The following LCLAT1 variants were observed in gnomAD, a reference collection of about 807,000 sequenced individuals.
LCLAT1 encodes 1-AGP acyltransferase 8.
LCLAT1 carries 11 observed loss-of-function variants against 30.7 expected under a neutral mutation model. That is an observed-to-expected ratio of 0.36 (90% CI 0.23 to 0.59). The LOEUF (loss-of-function observed/expected upper bound fraction) is 0.59, where lower values mean the gene tolerates loss of function less well. Among genes scored for constraint, LCLAT1 ranks in the 20% least tolerant of loss-of-function variants. The pLI is 0.77. For synonymous variants in LCLAT1, 155 were observed against 151.3 expected (o/e 1.02, Z -0.18); for missense variants, 402 against 458.6 (o/e 0.88, Z 1.13).
At chr2:30,568,935 T>A (rs1413042475) in intron 5 of LCLAT1, among the ~76,000 whole-genome samples, 1 of 151,370 alleles carries the variant, frequency 6.6e-6, no homozygotes, top group East Asian at 1.9e-4. Context: ...GCTCTTAGGG[T>A]TTGAGAATAT....
intron 1 of LCLAT1, among the ~76,000 whole-genome samples, chr2:30,485,931 G>A (rs541574750): frequency 5.9e-5 from 9 of 152,268 alleles, no homozygotes; most frequent in South Asian, 2.1e-4. Context: ...ATTGGGCTCA[G>A]AAGAGTCAGA....
At position 30,641,459 on chromosome 2, in the gene LCLAT1, C is replaced by A. The variant is rs1219374956; in HGVS notation, c.*840C>A. On this transcript the variant is annotated 3_prime_UTR_variant, in exon 6 of 6. Transcript: ENST00000379509. ...TCACATACTTTTTTAAAGGAACACT[C>A]AGAACATTCTGTCATTCCAGTCAGA... is the stretch of plus-strand genomic sequence containing the variant. 1 of 152,170 alleles carries A rather than the reference C, an allele frequency of 6.6e-6. No individual in the cohort carries two copies. Among genetic ancestry groups the A allele is most frequent in the African/African-American group, 2.4e-5 (1 of 41,448 alleles). The allele number at this position is 152,170 out of a possible 1,614,324, so 9.4% of individuals were successfully genotyped here. A position where few individuals can be genotyped will look rare whatever the true frequency, so the allele number is the denominator to read the frequency against.
At chr2:30,570,511 A>G (rs1046020287) in intron 5 of LCLAT1, among the ~76,000 whole-genome samples, 68 of 152,210 alleles carry the variant, frequency 4.5e-4, no homozygotes, top group African/African-American at 1.6e-3. Flanking sequence ...AGTTATAAAT[A>G]TTTATCTCAT....
At chr2:30,503,014 A>G (rs566903104) in intron 1 of LCLAT1, among the ~76,000 whole-genome samples, 1 of 152,336 alleles carries the variant, frequency 6.6e-6, no homozygotes, top group South Asian at 2.1e-4. Context: ...AGTTGCATTT[A>G]TACTTACTTA....
chr2:30,513,840 C>G (rs1023632878), intron 1 of LCLAT1, among the ~76,000 whole-genome samples: 1 of 152,284 alleles, frequency 6.6e-6, no homozygotes, highest in South Asian at 2.1e-4. Context: ...CGAGTTGTCC[C>G]GCCTTTCCAG....
chr2:30,510,979 G>A (rs1044095540), intron 1 of LCLAT1, among the ~76,000 whole-genome samples: 6 of 151,856 alleles, frequency 4.0e-5, no homozygotes, highest in Non-Finnish European at 8.8e-5. Flanking sequence ...GTTAAAGATA[G>A]TTTTCTTTGA....
intron 3 of LCLAT1, among the ~76,000 whole-genome samples, chr2:30,536,084 A>G (rs1212876852): frequency 6.6e-6 from 1 of 152,070 alleles, no homozygotes; most frequent in Non-Finnish European, 1.5e-5. Context: ...ACCTGAAAAC[A>G]CATGTTTTCA....
intron 4 of LCLAT1, among the ~76,000 whole-genome samples, chr2:30,563,125 C>A (rs968571659): frequency 6.6e-6 from 1 of 151,968 alleles, no homozygotes; most frequent in Non-Finnish European, 1.5e-5. Flanking sequence ...TTCACTACAG[C>A]CTTGAACTCC....
At chr2:30,593,833 G>A (rs140648924) in intron 5 of LCLAT1, among the ~76,000 whole-genome samples, 128 of 151,690 alleles carry the variant, frequency 8.4e-4, no homozygotes, top group African/African-American at 3.0e-3. Context: ...TGAAGCAGGA[G>A]GATTGCTTGA....
intron 5 of LCLAT1, among the ~76,000 whole-genome samples, chr2:30,610,090 C>G (rs191432398): frequency 1.3e-5 from 2 of 152,214 alleles, no homozygotes; most frequent in Non-Finnish European, 2.9e-5. Context: ...GCCATACCCC[C>G]TGCATTTTTC....
At chr2:30,550,141 A>C (rs1365180701) in intron 3 of LCLAT1, among the ~76,000 whole-genome samples, 1 of 152,236 alleles carries the variant, frequency 6.6e-6, no homozygotes, top group Non-Finnish European at 1.5e-5. Flanking sequence ...ACAAGTTTGC[A>C]TCAACAAATA....
chr2:30,618,839 G>A (rs904347756), intron 5 of LCLAT1, among the ~76,000 whole-genome samples: 1 of 152,084 alleles, frequency 6.6e-6, no homozygotes, highest in Non-Finnish European at 1.5e-5. Flanking sequence ...AGACCCCTAA[G>A]GATTCTCTAC....
At chr2:30,594,726 C>G (rs563180029) in intron 5 of LCLAT1, among the ~76,000 whole-genome samples, 1 of 152,204 alleles carries the variant, frequency 6.6e-6, no homozygotes, top group East Asian at 1.9e-4. Flanking sequence ...TTCTGTTCTC[C>G]TCTCAGGAGT....
At chr2:30,519,771 T>G (rs1029137661) in intron 1 of LCLAT1, among the ~76,000 whole-genome samples, 1 of 152,174 alleles carries the variant, frequency 6.6e-6, no homozygotes, top group Non-Finnish European at 1.5e-5. Flanking sequence ...CAAGCACCTT[T>G]GGGTCCCCTC....
At chr2:30,517,234 A>G (rs1685224415) in intron 1 of LCLAT1, among the ~76,000 whole-genome samples, 1 of 152,166 alleles carries the variant, frequency 6.6e-6, no homozygotes, top group Non-Finnish European at 1.5e-5. Flanking sequence ...GTATTAGAGC[A>G]AGTTGTATCT....
At chr2:30,565,675 A>C (rs1208145877) in intron 4 of LCLAT1, among the ~76,000 whole-genome samples, 1 of 152,158 alleles carries the variant, frequency 6.6e-6, no homozygotes, top group African/African-American at 2.4e-5. Flanking sequence ...CTTTATCCCT[A>C]CTCTCACGAA....
At chr2:30,538,586 G>T (rs2148405609) in intron 3 of LCLAT1, among the ~76,000 whole-genome samples, 1 of 152,036 alleles carries the variant, frequency 6.6e-6, no homozygotes, top group South Asian at 2.1e-4. Context: ...AGTGAGCTGA[G>T]ATTGCACCAC....
intron 5 of LCLAT1, among the ~76,000 whole-genome samples, chr2:30,595,317 TA>T (rs1413409662): frequency 6.6e-6 from 1 of 152,172 alleles, no homozygotes; most frequent in African/African-American, 2.4e-5. Context: ...TTTTGATTTT[TA>T]TAGTGGACCC....
intron 1 of LCLAT1, among the ~76,000 whole-genome samples, chr2:30,499,810 A>G (rs1015147073): frequency 1.3e-5 from 2 of 152,184 alleles, no homozygotes; most frequent in South Asian, 2.1e-4. Flanking sequence ...ATGATATTTT[A>G]TTACCAAATA....
Sources: allele counts gnomAD v4.1 joint callset (sites outside exome capture counted in the v4.1 genomes callset), GRCh38; gene constraint gnomAD v4.1.1; transcripts MANE v1.5; gene names NCBI Gene and HGNC (gene_info 2026-07-23, HGNC 2026-07-21).